Variants in RUNX1 observed in about 807,000 individuals in gnomAD.
The protein encoded by RUNX1 is runt-related transcription factor 1.
A neutral mutation model predicts 42.8 loss-of-function variants in RUNX1; 19 were observed. That is an observed-to-expected ratio of 0.44 (90% confidence interval 0.31 to 0.65). The LOEUF is 0.65. Ranked by LOEUF, RUNX1 falls within the 30% of genes least tolerant of loss-of-function variation. The pLI, the probability that RUNX1 is intolerant of heterozygous loss-of-function variation, is 0.07. For missense variants in RUNX1, 528 were observed against 672.0 expected (o/e 0.79, Z 2.37); for synonymous variants, 271 against 289.4 (o/e 0.94, Z 0.64).
intron 6 of RUNX1, among the ~76,000 whole-genome samples, chr21:34,838,529 A>C (rs2146099007): frequency 6.6e-6 from 1 of 152,360 alleles, no homozygotes. Flanking sequence ...GGTTCTTCTA[A>C]AAGCATATAA....
chr21:35,026,253 T>C (rs1569156039), intron 2 of RUNX1, among the ~76,000 whole-genome samples: 1 of 152,262 alleles, frequency 6.6e-6, no homozygotes, highest in Non-Finnish European at 1.5e-5. Flanking sequence ...GTCAAATCTT[T>C]TGGTTTCCAG....
At chr21:34,824,188 A>G (rs961405004) in intron 7 of RUNX1, among the ~76,000 whole-genome samples, 2 of 152,180 alleles carry the variant, frequency 1.3e-5, no homozygotes, top group Admixed American at 6.5e-5. Flanking sequence ...AGTCTATTCC[A>G]TGCCATTTAG....
intron 2 of RUNX1, among the ~76,000 whole-genome samples, chr21:34,971,244 CA>C (rs1281322364): frequency 2.6e-5 from 4 of 152,140 alleles, no homozygotes; most frequent in Non-Finnish European, 4.4e-5. Flanking sequence ...TATGAGGACA[CA>C]CAGTAGCTGC....
Position 34,791,944 on chromosome 21 carries a change from G to A in RUNX1, c.*191C>T, listed in dbSNP as rs1601331186. On this transcript the variant is annotated 3_prime_UTR_variant, in exon 9 of 9. Transcript: ENST00000675419. ...GGGCGCCAGCAGACGGCGGCGGCGT[G>A]GGCTTCTGGGCGCAGGAGGCTGCGC... 8.2e-6 allele frequency: 3 copies of A among 365,806 alleles called. No individual in the cohort carries two copies. In the South Asian group the frequency reaches 1.0e-4, roughly 13 times the overall value. 22.7% of individuals were successfully genotyped at this position (365,806 alleles called of 1,614,324 possible).
intron 2 of RUNX1, 144 bp from the exon 3 acceptor site, chr21:34,893,107 AAAT>A (rs1185002143): frequency 1.5e-6 from 1 of 653,224 alleles, no homozygotes; most frequent in Non-Finnish European, 2.8e-6. Flanking sequence ...AAATGACTTG[AAAT>A]AGTAAATCAC....
chr21:35,026,555 A>C (rs149906273), intron 2 of RUNX1, among the ~76,000 whole-genome samples: 1 of 152,276 alleles, frequency 6.6e-6, no homozygotes. Context: ...TATTTTAACC[A>C]GGTCAAAGCA....
At chr21:34,811,659 T>G (rs748578894) in intron 7 of RUNX1, among the ~76,000 whole-genome samples, 6 of 152,200 alleles carry the variant, frequency 3.9e-5, no homozygotes, top group Non-Finnish European at 8.8e-5. Flanking sequence ...CCACCCCAGT[T>G]GTTTTTATTC....
At chr21:34,842,897 T>A (rs1398155315) in intron 6 of RUNX1, among the ~76,000 whole-genome samples, 5 of 151,904 alleles carry the variant, frequency 3.3e-5, no homozygotes, top group Admixed American at 6.6e-5. Context: ...TGAAACCCCA[T>A]CTCTACTAAA....
intron 3 of RUNX1, among the ~76,000 whole-genome samples, chr21:34,889,123 G>C (rs1423663735): frequency 7.1e-6 from 1 of 141,152 alleles, no homozygotes; most frequent in African/African-American, 2.6e-5. Flanking sequence ...CTGCAGGCAG[G>C]CGCAGTGGCC....
intron 8 of RUNX1, among the ~76,000 whole-genome samples, chr21:34,797,376 C>A (rs946265920): frequency 2.0e-5 from 3 of 152,178 alleles, no homozygotes; most frequent in African/African-American, 7.2e-5. Flanking sequence ...GTTACTCATT[C>A]CTTTTATTTA....
chr21:34,838,347 T>C (rs1041417861), intron 6 of RUNX1, among the ~76,000 whole-genome samples: 1 of 152,210 alleles, frequency 6.6e-6, no homozygotes, highest in Admixed American at 6.5e-5. Flanking sequence ...CAACAACATA[T>C]TAGTCTATGT....
At chr21:34,853,959 T>C (rs945321083) in intron 6 of RUNX1, among the ~76,000 whole-genome samples, 3 of 152,016 alleles carry the variant, frequency 2.0e-5, no homozygotes, top group African/African-American at 7.2e-5. Flanking sequence ...ACTACAGGCG[T>C]GTACCACCAC....
At chr21:34,992,128 C>T (rs1601644980) in intron 2 of RUNX1, among the ~76,000 whole-genome samples, 1 of 152,222 alleles carries the variant, frequency 6.6e-6, no homozygotes, top group Admixed American at 6.5e-5. Context: ...GGGAAAGTAA[C>T]GCACCCCCTC....
chr21:34,858,736 G>T (rs1017015802), intron 6 of RUNX1, among the ~76,000 whole-genome samples: 2 of 152,180 alleles, frequency 1.3e-5, no homozygotes, highest in Non-Finnish European at 2.9e-5. Context: ...ACCTGGAACT[G>T]TAACCCAGCC....
chr21:35,019,081 T>C lies in RUNX1; in HGVS notation c.58+29761A>G, dbSNP rs543623998. ...CTCTACTGCCTTCAGGAGGAAGTCT[T>C]ACCATCTGGCTTAGATTGGCCTGGG... On this transcript the variant is annotated intron_variant, in intron 2 of 8. Coordinates refer to ENST00000675419, the MANE Select transcript of RUNX1 (RefSeq NM_001754.5). 5.9e-4 allele frequency among the ~76,000 whole-genome samples: 90 copies of C among 152,304 alleles called. 2 individuals carry two copies. In the South Asian group the frequency reaches 0.018, roughly 30 times the overall value.
chr21:34,891,815 A>C (rs1601540184), intron 3 of RUNX1, among the ~76,000 whole-genome samples: 2 of 152,278 alleles, frequency 1.3e-5, no homozygotes, highest in South Asian at 4.1e-4. Flanking sequence ...AAAACGGCTC[A>C]CAACAGGAAT....
intron 2 of RUNX1, among the ~76,000 whole-genome samples, chr21:34,919,422 T>C (rs2058337057): frequency 6.6e-6 from 1 of 152,168 alleles, no homozygotes; most frequent in African/African-American, 2.4e-5. Flanking sequence ...ACCCATCCCG[T>C]GTTTTTGACT....
intron 5 of RUNX1, among the ~76,000 whole-genome samples, chr21:34,862,521 C>G (rs1458997804): frequency 5.9e-5 from 9 of 152,224 alleles, no homozygotes; most frequent in Non-Finnish European, 1.3e-4. Context: ...CAGGGCCACA[C>G]TCCCCCTGAG....
Position 34,886,923 on chromosome 21 carries a change from G to T in RUNX1, c.271C>A (p.Arg91Ser), listed in dbSNP as rs1569084229. The change falls in exon 4 of 9, where the codon CGC becomes AGC. Residue 91 changes from arginine (R) to serine (S), a missense_variant. Physicochemically the swap from Arg to Ser is moderately radical, Grantham distance 110. This residue lies in a region of RUNX1 where 83 missense variants were observed against 174.5 expected (regional missense o/e 0.48). Coordinates refer to ENST00000675419, the MANE Select transcript of RUNX1 (RefSeq NM_001754.5). Reference protein sequence around the residue: ...VLADHPGELVRTDSPNFLCSV... With the variant: ...VLADHPGELVSTDSPNFLCSV... ...CAGAGGAAGTTGGGGCTGTCGGTGC[G>T]CACCAGCTCGCCCGGGTGGTCGGCC... 1 of 1,613,324 alleles carries T rather than the reference G, an allele frequency of 6.2e-7. No individual in the cohort carries two copies.
Sources: gnomAD v4.1 joint callset for allele counts (sites outside exome capture counted in the v4.1 genomes callset) on GRCh38, gnomAD v4.1.1 for gene constraint, gnomAD v4.1.1 regional missense constraint, MANE v1.5 for transcripts, NCBI Gene and HGNC (gene_info 2026-07-23, HGNC 2026-07-21) for gene names.